Variants in SLC9A9 observed in about 807,000 individuals in gnomAD.
The protein encoded by SLC9A9 is sodium/hydrogen exchanger 9.
A neutral mutation model predicts 77.8 loss-of-function variants in SLC9A9; 62 were observed. The ratio of observed to expected loss-of-function variants is 0.80; its 90% confidence interval spans 0.65 to 0.98. The LOEUF (loss-of-function observed/expected upper bound fraction) is 0.98, where lower values mean the gene tolerates loss of function less well. Ranked by LOEUF, SLC9A9 falls within the 50% of genes least tolerant of loss-of-function variation. The pLI, the probability that SLC9A9 is intolerant of heterozygous loss-of-function variation, is 0.00. For missense variants in SLC9A9, 775 were observed against 774.9 expected, an observed-to-expected ratio of 1.00 and a Z score of 0.00; for synonymous variants, 320 against 283.5, an observed-to-expected ratio of 1.13 and a Z score of -1.29.
intron 8 of SLC9A9, among the ~76,000 whole-genome samples, chr3:143,559,165 A>G (rs1160815141): frequency 1.3e-5 from 2 of 152,178 alleles, no homozygotes; most frequent in Non-Finnish European, 2.9e-5. Context: ...AGTCAATTAA[A>G]TCTCTTCTCT....
chr3:143,587,228 T>C (rs1469911631), intron 6 of SLC9A9, among the ~76,000 whole-genome samples: 2 of 152,254 alleles, frequency 1.3e-5, no homozygotes, highest in Non-Finnish European at 2.9e-5. Flanking sequence ...ACATTGTTCT[T>C]AGCACTGAAG....
intron 4 of SLC9A9, among the ~76,000 whole-genome samples, chr3:143,710,930 C>A (rs1934126851): frequency 6.6e-6 from 1 of 152,126 alleles, no homozygotes; most frequent in Non-Finnish European, 1.5e-5. Context: ...GGATTTTCCC[C>A]AATCAGATCA....
At chr3:143,502,199 GT>G (rs1171071061) in intron 9 of SLC9A9, among the ~76,000 whole-genome samples, 1 of 150,846 alleles carries the variant, frequency 6.6e-6, no homozygotes, top group Non-Finnish European at 1.5e-5. Context: ...TTACTTCACA[GT>G]TTGTGAGCAT....
At chr3:143,309,683 T>A (rs889641000) in intron 14 of SLC9A9, among the ~76,000 whole-genome samples, 1 of 152,194 alleles carries the variant, frequency 6.6e-6, no homozygotes, top group African/African-American at 2.4e-5. Context: ...TCCCTGTATC[T>A]CAAGTGGTCT....
At chr3:143,579,337 C>A (rs955592759) in intron 6 of SLC9A9, among the ~76,000 whole-genome samples, 2 of 152,170 alleles carry the variant, frequency 1.3e-5, no homozygotes, top group African/African-American at 4.8e-5. Flanking sequence ...TGCCCAAGGT[C>A]ATCTTTTATA....
chr3:143,317,936 C>G (rs1303046997), intron 14 of SLC9A9, among the ~76,000 whole-genome samples: 4 of 152,154 alleles, frequency 2.6e-5, no homozygotes, highest in Non-Finnish European at 4.4e-5. Context: ...ACCGTGTTAG[C>G]CAGGATGGTC....
chr3:143,365,300 G>GA lies in SLC9A9; in HGVS notation c.1525-1738dup, dbSNP rs2032866702. ...TGAGGGTGGAAGGAGGGAGAGGCCAGAAAAAATAACTATTGGTACTAGACT... is the reference window on the plus strand; with the variant it reads ...TGAGGGTGGAAGGAGGGAGAGGCCAGAAAAAAATAACTATTGGTACTAGACT... On this transcript the variant is annotated intron_variant, in intron 13 of 15. Coordinates refer to ENST00000316549, the MANE Select transcript of SLC9A9 (RefSeq NM_173653.4). 5.9e-5 allele frequency among the ~76,000 whole-genome samples: 9 copies of GA among 152,148 alleles called. No individual in the cohort carries two copies. In the South Asian group the frequency reaches 1.9e-3, roughly 32 times the overall value.
intron 12 of SLC9A9, among the ~76,000 whole-genome samples, chr3:143,445,551 T>G (rs980750394): frequency 6.6e-6 from 1 of 151,812 alleles, no homozygotes; most frequent in African/African-American, 2.4e-5. Context: ...GGTCTAAGAG[T>G]GAGAAAACAG....
In SLC9A9 at chr3:143,347,750, C is replaced by A. The variant is rs972122487; in HGVS notation, c.1604+15734G>T. Reference sequence around the variant, plus strand: ...ACTTGGGACAGCTATATTTTCAACCCTCTCTTCCAAATACTTGAGATGTAT... The same window carrying A: ...ACTTGGGACAGCTATATTTTCAACCATCTCTTCCAAATACTTGAGATGTAT... On this transcript the variant is annotated intron_variant, in intron 14 of 15. Coordinates refer to ENST00000316549, the MANE Select transcript of SLC9A9 (RefSeq NM_173653.4). Among the ~76,000 whole-genome samples the A allele has an allele frequency of 2.0e-5, 3 of 152,192 alleles. No individual in the cohort carries two copies. The East Asian group carries it at 5.8e-4, about 29-fold the overall frequency.
chr3:143,822,589 C>T (rs989231528), intron 2 of SLC9A9, among the ~76,000 whole-genome samples: 3 of 152,196 alleles, frequency 2.0e-5, no homozygotes, highest in South Asian at 2.1e-4. Flanking sequence ...CAGGCTGTAT[C>T]TGTTACTAAA....
chr3:143,551,238 A>G (rs182794891), intron 9 of SLC9A9, among the ~76,000 whole-genome samples: 1 of 152,344 alleles, frequency 6.6e-6, no homozygotes, highest in East Asian at 1.9e-4. Context: ...ACAGCCCTCA[A>G]AAGGAGCTAT....
chr3:143,503,149 G>A (rs1218723819), intron 9 of SLC9A9: 1 of 168,522 alleles, frequency 5.9e-6, no homozygotes, highest in East Asian at 1.9e-4. Context: ...TTCAGAGGGT[G>A]TGGCATGGAA....
intron 1 of SLC9A9, among the ~76,000 whole-genome samples, chr3:143,839,031 T>C (rs2009641758): frequency 6.6e-6 from 1 of 151,118 alleles, no homozygotes; most frequent in South Asian, 2.1e-4. Flanking sequence ...ACGTTTTCCC[T>C]TTTAGCAATT....
chr3:143,660,842 A>T (rs2038967327), intron 5 of SLC9A9, among the ~76,000 whole-genome samples: 1 of 152,070 alleles, frequency 6.6e-6, no homozygotes, highest in Non-Finnish European at 1.5e-5. Flanking sequence ...ACTTAAACAA[A>T]CCCATGTTTT....
intron 14 of SLC9A9, among the ~76,000 whole-genome samples, chr3:143,294,284 C>T (rs1446690260): frequency 1.3e-5 from 2 of 152,178 alleles, no homozygotes; most frequent in Non-Finnish European, 2.9e-5. Context: ...CACGAAAGCA[C>T]ACACTGAATT....
chr3:143,330,115 C>A (rs959328443), intron 14 of SLC9A9, among the ~76,000 whole-genome samples: 1 of 152,184 alleles, frequency 6.6e-6, no homozygotes, highest in Non-Finnish European at 1.5e-5. Flanking sequence ...GTGAGGAAAG[C>A]TGTGTGACCC....
chr3:143,713,711 G>A (rs949529455), intron 4 of SLC9A9, among the ~76,000 whole-genome samples: 1 of 152,176 alleles, frequency 6.6e-6, no homozygotes, highest in African/African-American at 2.4e-5. Context: ...TCAGGGGGAA[G>A]TAGGACAAAA....
chr3:143,652,674 C>T (rs1330370149), intron 5 of SLC9A9, among the ~76,000 whole-genome samples: 1 of 151,886 alleles, frequency 6.6e-6, no homozygotes, highest in Non-Finnish European at 1.5e-5. Flanking sequence ...CATAATTTCC[C>T]AAACACACTG....
At chr3:143,610,331 G>C (rs770630907) in intron 6 of SLC9A9, among the ~76,000 whole-genome samples, 1 of 152,008 alleles carries the variant, frequency 6.6e-6, no homozygotes, top group Non-Finnish European at 1.5e-5. Flanking sequence ...ATTTGCAGTA[G>C]AGAAGGGGTT....
Sources: gnomAD v4.1 joint callset for allele counts (sites outside exome capture counted in the v4.1 genomes callset) on GRCh38, gnomAD v4.1.1 for gene constraint, MANE v1.5 for transcripts, NCBI Gene and HGNC (gene_info 2026-07-23, HGNC 2026-07-21) for gene names.